RPIA: variants seen among roughly 807,000 people sequenced by gnomAD.
RPIA encodes ribose-5-phosphate isomerase.
A neutral mutation model predicts 37.8 loss-of-function variants in RPIA; 29 were observed. The observed-to-expected ratio is 0.77, with a 90% CI of 0.57 to 1.05. The LOEUF is 1.05. Ranked by LOEUF, RPIA falls within the 50% of genes least tolerant of loss-of-function variation. The pLI, the probability that RPIA is intolerant of heterozygous loss-of-function variation, is 0.00. For synonymous variants in RPIA, 167 were observed against 157.0 expected (o/e 1.06, Z -0.48); for missense variants, 385 against 413.6 (o/e 0.93, Z 0.60).
At chr2:88,722,483 T>C (rs1219232093) in intron 3 of RPIA, among the ~76,000 whole-genome samples, 1 of 152,234 alleles carries the variant, frequency 6.6e-6, no homozygotes, top group Non-Finnish European at 1.5e-5. Flanking sequence ...TATGAAACTT[T>C]CCATTGCAAA....
intron 3 of RPIA, among the ~76,000 whole-genome samples, chr2:88,727,498 G>T (rs190824201): frequency 2.0e-5 from 3 of 152,286 alleles, no homozygotes; most frequent in African/African-American, 7.2e-5. Context: ...TGTCACCCAG[G>T]TGTTAAGCCT....
intron 3 of RPIA, among the ~76,000 whole-genome samples, chr2:88,715,274 T>C (rs941087796): frequency 6.6e-6 from 1 of 152,184 alleles, no homozygotes; most frequent in Non-Finnish European, 1.5e-5. Flanking sequence ...GAAGAAACAG[T>C]ATTCTCATGC....
At chr2:88,700,206 G>T (rs898924024) in intron 3 of RPIA, 142 bp downstream of exon 3, 6 of 802,514 alleles carry the variant, frequency 7.5e-6, no homozygotes, top group Non-Finnish European at 1.3e-5. Context: ...TATTGACCAA[G>T]GATTCCTTCT....
In RPIA at chr2:88,694,451, T is replaced by C. The variant is rs1676987086; in HGVS notation, c.285+2468T>C. ...AGCTTGGTAACCAGGAATTTGGTGA[T>C]TGAATTACTGTAAAGCTAGAGTTCC... is the stretch of plus-strand genomic sequence containing the variant. On this transcript the variant is annotated intron_variant, in intron 1 of 8. Transcript: ENST00000283646. Among the ~76,000 whole-genome samples, 10 of 152,318 alleles carry C rather than the reference T, an allele frequency of 6.6e-5. No individual in the cohort carries two copies. The South Asian group carries it at 2.1e-3, about 32-fold the overall frequency.
chr2:88,734,758 T>C lies in RPIA; in HGVS notation c.527+142T>C. On this transcript the variant is annotated intron_variant, in intron 5 of 8. Coordinates refer to ENST00000283646, the MANE Select transcript of RPIA (RefSeq NM_144563.3). The stretch of plus-strand genomic sequence containing the variant: ...CTAGGATATTGATAGCATATGGCCT[T>C]AGACCCAACTCAGCATTTCTGGTCA... 3 of 876,584 alleles carry C rather than the reference T, an allele frequency of 3.4e-6. No individual in the cohort carries two copies. In the South Asian group the frequency reaches 4.3e-5, roughly 12 times the overall value. The allele number at this position is 876,584 out of a possible 1,614,324, so 54.3% of individuals were successfully genotyped here. A position where few individuals can be genotyped will look rare whatever the true frequency, so the allele number is the denominator to read the frequency against.
chr2:88,707,182 T>G (rs773501912), intron 3 of RPIA, among the ~76,000 whole-genome samples: 1 of 152,240 alleles, frequency 6.6e-6, no homozygotes, highest in Non-Finnish European at 1.5e-5. Flanking sequence ...GAGTAGTTGA[T>G]TTACCTTCTT....
At chr2:88,729,723 A>G (rs1326024915) in intron 4 of RPIA, among the ~76,000 whole-genome samples, 1 of 69,922 alleles carries the variant, frequency 1.4e-5, no homozygotes, top group Non-Finnish European at 3.0e-5. Flanking sequence ...AAATATTAAA[A>G]CTAAGCAGAA....
At chr2:88,713,636 G>A (rs993623432) in intron 3 of RPIA, among the ~76,000 whole-genome samples, 6 of 152,118 alleles carry the variant, frequency 3.9e-5, no homozygotes, top group Non-Finnish European at 7.4e-5. Flanking sequence ...CTCATCATGC[G>A]TATTCACACT....
At chr2:88,721,424 TATA>T (rs1445415899) in intron 3 of RPIA, among the ~76,000 whole-genome samples, 1 of 148,374 alleles carries the variant, frequency 6.7e-6, no homozygotes, top group Non-Finnish European at 1.5e-5. Flanking sequence ...ATATTACTAA[TATA>T]ATCATATTTA....
chr2:88,703,241 C>G (rs1014262767), intron 3 of RPIA, among the ~76,000 whole-genome samples: 2 of 152,170 alleles, frequency 1.3e-5, no homozygotes, highest in African/African-American at 4.8e-5. Flanking sequence ...GTCTGGAGGA[C>G]AGTGGCCCTT....
chr2:88,728,841 G>T (rs1673228880), intron 3 of RPIA, among the ~76,000 whole-genome samples: 1 of 151,380 alleles, frequency 6.6e-6, no homozygotes, highest in Non-Finnish European at 1.5e-5. Context: ...TTACTTAACA[G>T]TGTGGGCTGG....
chr2:88,721,367 A>C (rs934332840), intron 3 of RPIA, among the ~76,000 whole-genome samples: 4 of 150,712 alleles, frequency 2.7e-5, no homozygotes, highest in Non-Finnish European at 4.4e-5. Context: ...AGTATAATTT[A>C]AAAAAAAGAA....
intron 6 of RPIA, 128 bp downstream of exon 6, chr2:88,735,865 G>C (rs1673308892): frequency 1.1e-6 from 1 of 899,450 alleles, no homozygotes; most frequent in Admixed American, 1.7e-5. Context: ...CTGATGGCTA[G>C]GACTTAGTAC....
intron 8 of RPIA, among the ~76,000 whole-genome samples, chr2:88,738,412 C>T (rs898777313): frequency 6.6e-6 from 1 of 152,224 alleles, no homozygotes; most frequent in Non-Finnish European, 1.5e-5. Flanking sequence ...AGCTGGACTA[C>T]AGCCTTTTTT....
At chr2:88,735,557 A>C (rs1199316020) in intron 5 of RPIA, 112 bp from the exon 6 acceptor site, 7 of 965,172 alleles carry the variant, frequency 7.3e-6, no homozygotes, top group Non-Finnish European at 1.2e-5. Context: ...TTAAAAGTTA[A>C]GTTTCTCTTT....
At chr2:88,723,522 A>G (rs1339653990) in intron 3 of RPIA, among the ~76,000 whole-genome samples, 30 of 152,148 alleles carry the variant, frequency 2.0e-4, no homozygotes, top group Admixed American at 2.0e-3. Flanking sequence ...TGGGGAGATC[A>G]GGGATTCTCT....
chr2:88,713,060 G>A (rs1228062262), intron 3 of RPIA, among the ~76,000 whole-genome samples: 2 of 137,916 alleles, frequency 1.5e-5, no homozygotes, highest in East Asian at 4.2e-4. Flanking sequence ...TAGTAGAGAC[G>A]AGGTTTCACT....
At chr2:88,723,889 C>CAAGCAA (rs1005595939) in intron 3 of RPIA, among the ~76,000 whole-genome samples, 1 of 151,934 alleles carries the variant, frequency 6.6e-6, no homozygotes, top group African/African-American at 2.4e-5. Flanking sequence ...TGGGACAACT[C>CAAGCAA]AAGCAAAGGC....
intron 8 of RPIA, among the ~76,000 whole-genome samples, chr2:88,747,413 C>T (rs1335859156): frequency 6.6e-6 from 1 of 152,212 alleles, no homozygotes; most frequent in Non-Finnish European, 1.5e-5. Context: ...GCACCTTCGG[C>T]TGTGGGTTCT....
Sources: gnomAD v4.1 joint callset for allele counts (sites outside exome capture counted in the v4.1 genomes callset) on GRCh38, gnomAD v4.1.1 for gene constraint, MANE v1.5 for transcripts, NCBI Gene and HGNC (gene_info 2026-07-23, HGNC 2026-07-21) for gene names.